The following ERC1 variants were observed in gnomAD, a reference collection of about 807,000 sequenced individuals.
ERC1 encodes the protein ELKS/RAB6-interacting/CAST family member 1.
In ERC1, 56 loss-of-function variants were observed where a neutral mutation model predicts 132.0. That is an observed-to-expected ratio of 0.42 (90% CI 0.34 to 0.53). The LOEUF is 0.53. Among genes scored for constraint, ERC1 ranks in the 20% least tolerant of loss-of-function variants. The pLI, the probability that ERC1 is intolerant of heterozygous loss-of-function variation, is 0.03. For missense variants in ERC1, 1,202 were observed against 1,349.9 expected, an observed-to-expected ratio of 0.89 and a Z score of 1.72; for synonymous variants, 478 against 476.1, an observed-to-expected ratio of 1.00 and a Z score of -0.05.
chr12:1,278,109 AC>A (rs1326189049), intron 14 of ERC1, among the ~76,000 whole-genome samples: 1 of 152,218 alleles, frequency 6.6e-6, no homozygotes, highest in Admixed American at 6.5e-5. Flanking sequence ...ACAGCTGGTT[AC>A]AAAACAAACC....
chr12:1,196,967 TATATATATA>T (rs1956369422), intron 12 of ERC1, among the ~76,000 whole-genome samples: 1 of 63,208 alleles, frequency 1.6e-5, no homozygotes, highest in South Asian at 4.5e-4. Context: ...CACACATATA[TATATATATA>T]TTTTTTTTTT....
intron 15 of ERC1, among the ~76,000 whole-genome samples, chr12:1,310,122 T>C (rs2081192298): frequency 6.6e-6 from 1 of 152,024 alleles, no homozygotes; most frequent in East Asian, 1.9e-4. Flanking sequence ...TAATTTTTTG[T>C]ATTTTTAATA....
rs772529872 is a variant in ERC1, at chr12:1,401,272, G to C, written c.2926-6877G>C. Reference sequence around the variant, plus strand: ...TTTTAAAACACCATGTGAATTTACAGTTCTCTCAAAAATTGAAGAAGCAGT... The same window carrying C: ...TTTTAAAACACCATGTGAATTTACACTTCTCTCAAAAATTGAAGAAGCAGT... On this transcript the variant is annotated intron_variant, in intron 16 of 18. Transcript: ENST00000360905. Among the ~76,000 whole-genome samples, 14 of 152,182 alleles carry C rather than the reference G, an allele frequency of 9.2e-5. No homozygotes were observed. In the Middle Eastern group the frequency reaches 0.027, roughly 296 times the overall value.
chr12:1,146,046 C>T (rs1950314534), intron 8 of ERC1, among the ~76,000 whole-genome samples: 1 of 152,116 alleles, frequency 6.6e-6, no homozygotes, highest in South Asian at 2.1e-4. Context: ...CTTGCCTTGG[C>T]TATGCAGGCT....
rs186410944 is a variant in ERC1 at position 1,182,839 on chromosome 12, T to A, written c.2017-442T>A. Among the ~76,000 whole-genome samples the A allele has an allele frequency of 6.8e-4, 69 of 102,102 alleles. No individual in the cohort carries two copies. The East Asian group carries it at 8.6e-3, about 13-fold the overall frequency. The allele number at this position is 102,102 out of a possible 152,430, so 67.0% of individuals were successfully genotyped here. A position where few individuals can be genotyped will look rare whatever the true frequency, so the allele number is the denominator to read the frequency against. On this transcript the variant is annotated intron_variant, in intron 10 of 18. Coordinates refer to ENST00000360905, the MANE Select transcript of ERC1 (RefSeq NM_178040.4). Reference sequence around the variant, plus strand: ...ACCATGCCCAGCTAAGTTAAAAAAATTTTTTTTTGTGAAGACAGGGTCTTG... The same window carrying A: ...ACCATGCCCAGCTAAGTTAAAAAAAATTTTTTTTGTGAAGACAGGGTCTTG...
At chr12:1,221,497 TAA>T (rs1409247091) in intron 12 of ERC1, among the ~76,000 whole-genome samples, 3 of 152,338 alleles carry the variant, frequency 2.0e-5, no homozygotes, top group African/African-American at 7.2e-5. Flanking sequence ...TTGCAGAAGT[TAA>T]AAGTGTTTAT....
intron 14 of ERC1, among the ~76,000 whole-genome samples, chr12:1,281,781 A>C (rs568379615): frequency 5.3e-5 from 8 of 152,236 alleles, no homozygotes; most frequent in Non-Finnish European, 1.2e-4. Flanking sequence ...GCATTAATTC[A>C]GGTATTTATT....
At chr12:1,007,049 C>T (rs913832830) in intron 1 of ERC1, among the ~76,000 whole-genome samples, 1 of 151,734 alleles carries the variant, frequency 6.6e-6, no homozygotes, top group African/African-American at 2.4e-5. Context: ...CTTGGCAGTA[C>T]AGTGTTTGAG....
chr12:1,243,886 A>C (rs1476213418), intron 13 of ERC1, among the ~76,000 whole-genome samples: 3 of 152,216 alleles, frequency 2.0e-5, no homozygotes, highest in Non-Finnish European at 2.9e-5. Context: ...TGAAGTTTTC[A>C]TGAATAGCTT....
At chr12:1,262,414 A>G (rs1459553916) in intron 13 of ERC1, among the ~76,000 whole-genome samples, 1 of 152,248 alleles carries the variant, frequency 6.6e-6, no homozygotes, top group East Asian at 1.9e-4. Context: ...TAGTTGGCTG[A>G]TAAAATTGCT....
chr12:1,254,382 T>C (rs2076658458), intron 13 of ERC1, among the ~76,000 whole-genome samples: 1 of 152,196 alleles, frequency 6.6e-6, no homozygotes, highest in Non-Finnish European at 1.5e-5. Flanking sequence ...TTTAATGCTT[T>C]TTTCTAATTA....
chr12:1,235,446 T>C (rs1001479713), intron 12 of ERC1, among the ~76,000 whole-genome samples: 54 of 152,290 alleles, frequency 3.5e-4, no homozygotes, highest in African/African-American at 1.2e-3. Context: ...ATATAACGGA[T>C]AAAGTATTAT....
chr12:1,226,262 T>C (rs1053841483), intron 12 of ERC1, among the ~76,000 whole-genome samples: 1 of 152,230 alleles, frequency 6.6e-6, no homozygotes, highest in Non-Finnish European at 1.5e-5. Flanking sequence ...GATTTTATCT[T>C]GAATAATTTT....
intron 15 of ERC1, among the ~76,000 whole-genome samples, chr12:1,325,592 A>G (rs1227581394): frequency 6.6e-6 from 1 of 152,198 alleles, no homozygotes; most frequent in African/African-American, 2.4e-5. Context: ...ACAGTTCAAT[A>G]AAGACAATTT....
intron 2 of ERC1, among the ~76,000 whole-genome samples, chr12:1,047,103 T>A (rs922860278): frequency 9.2e-5 from 14 of 152,190 alleles, no homozygotes; most frequent in Admixed American, 7.8e-4. Context: ...TGAAATGTCC[T>A]ACTTATTGAT....
intron 3 of ERC1, among the ~76,000 whole-genome samples, chr12:1,099,251 T>C (rs866456682): frequency 2.0e-5 from 3 of 151,932 alleles, no homozygotes; most frequent in Admixed American, 6.6e-5. Context: ...GAAGGAGAGA[T>C]AGCAGGTGTG....
At chr12:1,411,839 A>G (rs974009828) in intron 17 of ERC1, among the ~76,000 whole-genome samples, 3 of 152,204 alleles carry the variant, frequency 2.0e-5, no homozygotes, top group Non-Finnish European at 4.4e-5. Context: ...CTGGCCAATC[A>G]GAGGAAGCCT....
intron 8 of ERC1, among the ~76,000 whole-genome samples, chr12:1,164,183 G>A (rs1423142843): frequency 6.6e-6 from 1 of 151,906 alleles, no homozygotes; most frequent in African/African-American, 2.4e-5. Context: ...GAAGTGGCAG[G>A]TCACTTCTGT....
chr12:1,055,506 T>A (rs1249644506), intron 2 of ERC1, among the ~76,000 whole-genome samples: 1 of 152,198 alleles, frequency 6.6e-6, no homozygotes, highest in Non-Finnish European at 1.5e-5. Flanking sequence ...AAATGTGGTA[T>A]TTGATATATA....
Sources: allele counts gnomAD v4.1 joint callset (sites outside exome capture counted in the v4.1 genomes callset), GRCh38; gene constraint gnomAD v4.1.1; transcripts MANE v1.5; gene names NCBI Gene and HGNC (gene_info 2026-07-23, HGNC 2026-07-21).